Variants in CTIF observed in about 807,000 individuals in gnomAD.
CTIF encodes cap binding complex dependent translation initiation factor, also known as CBP80/20-dependent translation initiation factor.
Under a neutral mutation model 66.0 loss-of-function variants are expected in CTIF, and 21 were observed. That is an observed-to-expected ratio of 0.32 (90% confidence interval 0.23 to 0.46). CTIF has a LOEUF of 0.46. Ranked by LOEUF, CTIF falls within the 20% of genes least tolerant of loss-of-function variation. The probability of loss-of-function intolerance (pLI) is 1.00; values close to 1 mark genes in which losing one functional copy is unlikely to be tolerated. For synonymous variants in CTIF, 345 were observed against 326.4 expected (o/e 1.06, Z -0.62); for missense variants, 739 against 812.7 (o/e 0.91, Z 1.10).
chr18:48,801,522 T>C (rs2068048946), intron 9 of CTIF, among the ~76,000 whole-genome samples: 1 of 152,262 alleles, frequency 6.6e-6, no homozygotes, highest in Admixed American at 6.5e-5. Flanking sequence ...AAAGACCATC[T>C]GTGGCAAAGT....
intron 1 of CTIF, among the ~76,000 whole-genome samples, chr18:48,602,544 C>T (rs2144151122): frequency 6.6e-6 from 1 of 152,290 alleles, no homozygotes; most frequent in Admixed American, 6.5e-5. Context: ...GATGACTTTG[C>T]TTTCTAAGAT....
intron 6 of CTIF, among the ~76,000 whole-genome samples, chr18:48,694,871 G>A (rs1054363863): frequency 2.0e-5 from 3 of 151,654 alleles, no homozygotes; most frequent in African/African-American, 7.2e-5. Flanking sequence ...TTCCTAGTAT[G>A]CTTAAAATAC....
At chr18:48,787,875 G>A (rs1911855743) in intron 9 of CTIF, among the ~76,000 whole-genome samples, 2 of 152,182 alleles carry the variant, frequency 1.3e-5, no homozygotes, top group South Asian at 4.1e-4. Flanking sequence ...ACACAGAAAG[G>A]CATGAGAAAG....
chr18:48,657,737 G>A (rs1352658069), intron 3 of CTIF, among the ~76,000 whole-genome samples: 1 of 152,172 alleles, frequency 6.6e-6, no homozygotes, highest in Non-Finnish European at 1.5e-5. Context: ...AAGACTCATG[G>A]GAGTGGGAGG....
chr18:48,821,987 C>T (rs554952521), intron 10 of CTIF, among the ~76,000 whole-genome samples: 20 of 152,244 alleles, frequency 1.3e-4, no homozygotes, highest in African/African-American at 4.1e-4. Context: ...TCCCCATCTG[C>T]ACTTCCCCCT....
At chr18:48,670,601 C>T in intron 5 of CTIF, 68 bp from the exon 6 acceptor site, 2 of 1,425,774 alleles carry the variant, frequency 1.4e-6, no homozygotes, top group Non-Finnish European at 2.0e-6. Context: ...TCCTCTCCTG[C>T]TGGCCGGATG....
At chr18:48,578,124 T>G (rs145494010) in intron 1 of CTIF, among the ~76,000 whole-genome samples, 6 of 152,346 alleles carry the variant, frequency 3.9e-5, no homozygotes, top group African/African-American at 1.4e-4. Flanking sequence ...AGTTTCAAGG[T>G]TCATCCATGT....
intron 4 of CTIF, among the ~76,000 whole-genome samples, 163 bp from the exon 5 acceptor site, chr18:48,664,284 G>A (rs1284241302): frequency 6.6e-6 from 1 of 152,208 alleles, no homozygotes; most frequent in Non-Finnish European, 1.5e-5. Flanking sequence ...AGGAAGGTGA[G>A]GGGTGGCACC....
At chr18:48,634,873 T>C (rs1376248750) in intron 2 of CTIF, among the ~76,000 whole-genome samples, 1 of 152,232 alleles carries the variant, frequency 6.6e-6, no homozygotes, top group Admixed American at 6.5e-5. Flanking sequence ...TCTAAGTGGA[T>C]TTCTAACACG....
chr18:48,581,229 G>GTT (rs569088936), intron 1 of CTIF, among the ~76,000 whole-genome samples: 1 of 149,174 alleles, frequency 6.7e-6, no homozygotes, highest in Admixed American at 6.6e-5. Flanking sequence ...TTTTTTTTGG[G>GTT]TTTTTTTTGT....
At chr18:48,639,876 C>T (rs1274105721) in intron 3 of CTIF, among the ~76,000 whole-genome samples, 1 of 152,122 alleles carries the variant, frequency 6.6e-6, no homozygotes, top group Non-Finnish European at 1.5e-5. Flanking sequence ...CCTGGGTTTC[C>T]TTCCCAGGAA....
intron 3 of CTIF, among the ~76,000 whole-genome samples, chr18:48,642,573 G>A (rs79089734): frequency 0.014 from 2,066 of 152,312 alleles, 53 homozygotes; most frequent in African/African-American, 0.047. Context: ...AGGGGTCTGT[G>A]TGTGGGCTCA....
rs183172175 is a variant in CTIF at position 48,748,564 on chromosome 18, G to T, written c.585-9355G>T. On this transcript the variant is annotated intron_variant, in intron 7 of 11. Coordinates refer to ENST00000256413, the MANE Select transcript of CTIF (RefSeq NM_014772.3). ...CACCCCATCCTCACAGCTACCATGT[G>T]CATAGCTGTTGTGAGGTCCGTTTGA... 1.2e-3 allele frequency among the ~76,000 whole-genome samples: 186 copies of T among 152,300 alleles called. 1 individual carries two copies. The highest frequency in any genetic ancestry group is 3.8e-3 in the African/African-American group (158 of 41,554).
chr18:48,796,191 T>C (rs1348264304), intron 9 of CTIF, among the ~76,000 whole-genome samples: 1 of 151,392 alleles, frequency 6.6e-6, no homozygotes, highest in Non-Finnish European at 1.5e-5. Flanking sequence ...TTATTTTATT[T>C]GAGATGGAGT....
intron 3 of CTIF, among the ~76,000 whole-genome samples, chr18:48,647,057 A>G (rs1445716859): frequency 6.6e-6 from 1 of 152,258 alleles, no homozygotes; most frequent in Non-Finnish European, 1.5e-5. Flanking sequence ...CACAATACAC[A>G]GAAACCTGGA....
chr18:48,765,118 G>A (rs535172761), intron 9 of CTIF, among the ~76,000 whole-genome samples: 83 of 152,340 alleles, frequency 5.4e-4, no homozygotes, highest in African/African-American at 1.9e-3. Context: ...GCGATGGGCT[G>A]GGCTCAGCAA....
In CTIF at chr18:48,859,673, G is replaced by C. The variant is rs771116804; in HGVS notation, c.*114G>C. 1 of 987,750 alleles carries C rather than the reference G, an allele frequency of 1.0e-6. No individual in the cohort carries two copies. Among genetic ancestry groups the C allele is most frequent in the Non-Finnish European group, 1.6e-6 (1 of 631,472 alleles). The allele number at this position is 987,750 out of a possible 1,614,324, so 61.2% of individuals were successfully genotyped here. On this transcript the variant is annotated 3_prime_UTR_variant, in exon 12 of 12. Coordinates refer to ENST00000256413, the MANE Select transcript of CTIF (RefSeq NM_014772.3). ...TGGCGGGAGAAAGAAATGGGGAGGA[G>C]GGCAGGCAGAGTCGGTGGCCAGTCT...
intron 6 of CTIF, among the ~76,000 whole-genome samples, chr18:48,672,302 G>A (rs1237719116): frequency 6.6e-6 from 1 of 152,038 alleles, no homozygotes; most frequent in Admixed American, 6.5e-5. Context: ...GGTCCTGAGG[G>A]TCAGCTGGCC....
chr18:48,838,362 T>C, intron 10 of CTIF, among the ~76,000 whole-genome samples: 1 of 150,520 alleles, frequency 6.6e-6, no homozygotes. Flanking sequence ...CCTCCTAGAG[T>C]TGAGCGTGCT....
Sources: allele counts gnomAD v4.1 joint callset (sites outside exome capture counted in the v4.1 genomes callset), GRCh38; gene constraint gnomAD v4.1.1; transcripts MANE v1.5; gene names NCBI Gene and HGNC (gene_info 2026-07-23, HGNC 2026-07-21).